The following PSD3 variants were observed in gnomAD, a reference collection of about 807,000 sequenced individuals.
The protein encoded by PSD3 is pleckstrin and Sec7 domain containing 3, also known as PH and SEC7 domain-containing protein 3.
PSD3 carries 49 observed loss-of-function variants against 105.5 expected under a neutral mutation model. The observed-to-expected ratio is 0.46, with a 90% confidence interval of 0.37 to 0.59. PSD3 has a LOEUF of 0.59. Among genes scored for constraint, PSD3 ranks in the 20% least tolerant of loss-of-function variants. The pLI, the probability that PSD3 is intolerant of heterozygous loss-of-function variation, is 0.00. For missense variants in PSD3, 1,561 were observed against 1,263.8 expected, an observed-to-expected ratio of 1.24 and a Z score of -3.57; for synonymous variants, 557 against 457.8, an observed-to-expected ratio of 1.22 and a Z score of -2.77.
chr8:18,799,095 G>T, intron 8 of PSD3, 200 bp downstream of exon 8: 1 of 526,264 alleles, frequency 1.9e-6, no homozygotes, highest in Non-Finnish European at 3.4e-6. Context: ...ACACCAGGAC[G>T]ATGGATTTAA....
At chr8:18,554,169 C>T (rs1473967856) in intron 15 of PSD3, among the ~76,000 whole-genome samples, 1 of 152,182 alleles carries the variant, frequency 6.6e-6, no homozygotes, top group African/African-American at 2.4e-5. Context: ...GCTCTTCCAC[C>T]TTCGGCATCA....
intron 1 of PSD3, among the ~76,000 whole-genome samples, chr8:19,036,335 G>A (rs1260570800): frequency 6.6e-6 from 1 of 152,082 alleles, no homozygotes; most frequent in Non-Finnish European, 1.5e-5. Flanking sequence ...TCCATGCCCA[G>A]TCCCCTCCCT....
At chr8:18,998,318 G>C in intron 1 of PSD3, among the ~76,000 whole-genome samples, 1 of 151,982 alleles carries the variant, frequency 6.6e-6, no homozygotes, top group East Asian at 1.9e-4. Flanking sequence ...TCTTAACTGA[G>C]AGATGCCCTG....
chr8:18,566,474 C>A, intron 14 of PSD3, among the ~76,000 whole-genome samples: 1 of 148,234 alleles, frequency 6.7e-6, no homozygotes, highest in Non-Finnish European at 1.5e-5. Flanking sequence ...TGCAGTGAGC[C>A]GAGATCAAGC....
At chr8:18,656,750 C>T (rs1356346185) in intron 9 of PSD3, among the ~76,000 whole-genome samples, 1 of 151,924 alleles carries the variant, frequency 6.6e-6, no homozygotes, top group East Asian at 1.9e-4. Context: ...GCTGTGTTTC[C>T]CAGGCTGCAG....
intron 2 of PSD3, among the ~76,000 whole-genome samples, chr8:18,882,846 TACAC>T (rs139256546): frequency 2.7e-5 from 4 of 150,110 alleles, no homozygotes; most frequent in Admixed American, 6.7e-5. Flanking sequence ...TAGATATATA[TACAC>T]ACACACACAC....
chr8:18,658,667 T>C (rs1233780075), intron 9 of PSD3, among the ~76,000 whole-genome samples: 1 of 152,146 alleles, frequency 6.6e-6, no homozygotes, highest in Non-Finnish European at 1.5e-5. Context: ...TGGTTACACC[T>C]ATATAACTCT....
intron 9 of PSD3, among the ~76,000 whole-genome samples, chr8:18,730,713 A>G (rs571977397): frequency 5.9e-5 from 9 of 152,304 alleles, no homozygotes; most frequent in Non-Finnish European, 7.4e-5. Flanking sequence ...AGCTGTAACA[A>G]CCAAATAGAT....
chr8:18,799,159 AT>A, intron 8 of PSD3, 135 bp downstream of exon 8: 1 of 749,738 alleles, frequency 1.3e-6, no homozygotes, highest in Non-Finnish European at 2.3e-6. Context: ...TTTTTCAAAG[AT>A]TTCTTTTTAT....
intron 4 of PSD3, among the ~76,000 whole-genome samples, chr8:18,847,971 AC>A (rs1815237555): frequency 6.6e-6 from 1 of 152,208 alleles, no homozygotes; most frequent in South Asian, 2.1e-4. Context: ...AAGACCCATG[AC>A]AACTCAAAGA....
At chr8:18,627,870 C>T (rs943941665) in intron 11 of PSD3, among the ~76,000 whole-genome samples, 9 of 150,078 alleles carry the variant, frequency 6.0e-5, no homozygotes, top group South Asian at 4.2e-4. Context: ...GTTCCAGAAA[C>T]GACAGAAAGG....
intron 11 of PSD3, among the ~76,000 whole-genome samples, chr8:18,611,838 T>A (rs1731117193): frequency 6.6e-6 from 1 of 152,182 alleles, no homozygotes; most frequent in Non-Finnish European, 1.5e-5. Context: ...GTTTGTCTGA[T>A]TATAGATTAG....
At chr8:18,824,816 A>G (rs1318793846) in intron 4 of PSD3, among the ~76,000 whole-genome samples, 1 of 152,160 alleles carries the variant, frequency 6.6e-6, no homozygotes, top group Non-Finnish European at 1.5e-5. Context: ...AGTATCAATA[A>G]CACACAGTAC....
At chr8:18,945,916 G>A (rs1822827176) in intron 1 of PSD3, among the ~76,000 whole-genome samples, 1 of 152,314 alleles carries the variant, frequency 6.6e-6, no homozygotes, top group Middle Eastern at 3.4e-3. Context: ...GGAGGCTGCC[G>A]TGAGCCGAGA....
chr8:18,697,702 C>G (rs2082434771), intron 9 of PSD3, among the ~76,000 whole-genome samples: 1 of 152,180 alleles, frequency 6.6e-6, no homozygotes, highest in African/African-American at 2.4e-5. Context: ...TGAATTACCT[C>G]TGGGCAAGTA....
intron 2 of PSD3, among the ~76,000 whole-genome samples, chr8:18,911,646 A>G (rs886324392): frequency 7.9e-5 from 12 of 152,204 alleles, no homozygotes; most frequent in Admixed American, 4.6e-4. Context: ...CACTTCTGCA[A>G]TTTGGTGTGA....
intron 1 of PSD3, among the ~76,000 whole-genome samples, chr8:18,985,226 G>A (rs574568373): frequency 6.6e-6 from 1 of 152,198 alleles, no homozygotes; most frequent in South Asian, 2.1e-4. Context: ...GAGTCACCGC[G>A]CCCGGTCATC....
At chr8:19,018,941 C>G (rs529963906) in intron 1 of PSD3, among the ~76,000 whole-genome samples, 2 of 152,226 alleles carry the variant, frequency 1.3e-5, no homozygotes, top group African/African-American at 4.8e-5. Context: ...GGACTACAGG[C>G]GCACACAGCC....
intron 9 of PSD3, among the ~76,000 whole-genome samples, chr8:18,690,369 T>C (rs1294587318): frequency 6.6e-6 from 1 of 152,202 alleles, no homozygotes; most frequent in African/African-American, 2.4e-5. Context: ...GCTACTACTG[T>C]TAAGGATACA....
Sources: gnomAD v4.1 joint callset for allele counts (sites outside exome capture counted in the v4.1 genomes callset) on GRCh38, gnomAD v4.1.1 for gene constraint, MANE v1.5 for transcripts, NCBI Gene and HGNC (gene_info 2026-07-23, HGNC 2026-07-21) for gene names.